The following PARP8 variants were observed in gnomAD, a reference collection of about 807,000 sequenced individuals.
PARP8 encodes poly(ADP-ribose) polymerase family member 8.
A neutral mutation model predicts 124.1 loss-of-function variants in PARP8; 51 were observed. The ratio of observed to expected loss-of-function variants is 0.41; its 90% CI spans 0.33 to 0.52. The LOEUF (loss-of-function observed/expected upper bound fraction) is 0.52. PARP8 is among the 20% of genes least tolerant of loss of function. PARP8 has a pLI of 0.21. For synonymous variants in PARP8, 391 were observed against 361.5 expected (o/e 1.08, Z -0.93); for missense variants, 860 against 1,018.9 (o/e 0.84, Z 2.12).
chr5:50,668,244 C>A, intron 2 of PARP8, 119 bp downstream of exon 2: 1 of 919,530 alleles, frequency 1.1e-6, no homozygotes, highest in Non-Finnish European at 1.8e-6. Context: ...TGTGGCTTTT[C>A]TTTACCTGCT....
intron 14 of PARP8, among the ~76,000 whole-genome samples, chr5:50,807,055 G>A (rs951444220): frequency 6.6e-5 from 10 of 150,980 alleles, no homozygotes; most frequent in African/African-American, 1.9e-4. Flanking sequence ...GTTAGATCTC[G>A]CTTTCCAAAG....
Position 50,740,157 on chromosome 5 carries a change from G to A in PARP8, c.147-9994G>A, listed in dbSNP as rs372062412. ...GAAATACAATGGGAAGAAAACAGGT[G>A]CCTTCTACTCTATGGATTTAGCAGG... is the stretch of plus-strand genomic sequence containing the variant. On this transcript the variant is annotated intron_variant, in intron 2 of 25. Transcript: ENST00000281631. Among the ~76,000 whole-genome samples the A allele has an allele frequency of 2.7e-4, 41 of 152,278 alleles. No homozygotes were observed. In the South Asian group the frequency reaches 8.5e-3, roughly 32 times the overall value.
chr5:50,690,080 CA>C (rs1321950542), intron 2 of PARP8, among the ~76,000 whole-genome samples: 9 of 152,338 alleles, frequency 5.9e-5, no homozygotes, highest in African/African-American at 2.2e-4. Context: ...ACATAGGAAA[CA>C]AACCAGTAGA....
chr5:50,771,120 C>A (rs1761584914), intron 7 of PARP8, among the ~76,000 whole-genome samples: 1 of 150,482 alleles, frequency 6.6e-6, no homozygotes, highest in Non-Finnish European at 1.5e-5. Flanking sequence ...TATATATACA[C>A]ACACACATAT....
At chr5:50,767,687 G>C (rs957649863) in intron 7 of PARP8, among the ~76,000 whole-genome samples, 3 of 152,090 alleles carry the variant, frequency 2.0e-5, no homozygotes, top group Admixed American at 6.6e-5. Context: ...GAAATTTATA[G>C]CTACCTTGGA....
intron 2 of PARP8, among the ~76,000 whole-genome samples, chr5:50,684,021 A>T (rs1751579013): frequency 6.6e-6 from 1 of 152,294 alleles, no homozygotes; most frequent in South Asian, 2.1e-4. Context: ...ACTGTACACA[A>T]TTTCCTATGA....
chr5:50,775,039 T>C (rs1247519542), intron 7 of PARP8, among the ~76,000 whole-genome samples: 2 of 128,152 alleles, frequency 1.6e-5, no homozygotes, highest in South Asian at 5.4e-4. Flanking sequence ...CTAGATGGGG[T>C]GGCAGCTGGG....
At chr5:50,668,454 G>A (rs189383452) in intron 2 of PARP8, 8 of 276,938 alleles carry the variant, frequency 2.9e-5, no homozygotes, top group Admixed American at 2.8e-4. Context: ...TGGATATGAA[G>A]TGAAATGTAT....
intron 14 of PARP8, among the ~76,000 whole-genome samples, chr5:50,811,663 A>C (rs1197322971): frequency 6.6e-6 from 1 of 152,112 alleles, no homozygotes; most frequent in South Asian, 2.1e-4. Flanking sequence ...CTATGTATAC[A>C]TGTGCCATGT....
At chr5:50,803,446 G>A (rs769734689) in intron 14 of PARP8, among the ~76,000 whole-genome samples, 17 of 151,732 alleles carry the variant, frequency 1.1e-4, no homozygotes, top group Non-Finnish European at 2.1e-4. Context: ...TTTCCTTCTG[G>A]AATTTCCATT....
intron 3 of PARP8, 95 bp from the exon 4 acceptor site, chr5:50,759,548 C>T: frequency 7.6e-7 from 1 of 1,310,950 alleles, no homozygotes; most frequent in Non-Finnish European, 1.0e-6. Flanking sequence ...AGAGTTGGAA[C>T]TAAAGTGATG....
At chr5:50,689,266 C>T (rs1438730230) in intron 2 of PARP8, among the ~76,000 whole-genome samples, 1 of 152,140 alleles carries the variant, frequency 6.6e-6, no homozygotes, top group Admixed American at 6.5e-5. Context: ...TCTTGGCCAA[C>T]ATGGAAGTTT....
In PARP8 at chr5:50,739,225, A is replaced by G. The variant is rs1474730493; in HGVS notation, c.147-10926A>G. 6 of 585,106 alleles carry G rather than the reference A, an allele frequency of 1.0e-5. No homozygotes were observed. The Admixed American group carries it at 1.5e-4, about 14-fold the overall frequency. The allele number at this position is 585,106 out of a possible 1,614,324, so 36.2% of individuals were successfully genotyped here. A position where few individuals can be genotyped will look rare whatever the true frequency, so the allele number is the denominator to read the frequency against. On this transcript the variant is annotated intron_variant, in intron 2 of 25. Transcript: ENST00000281631. ...GATCTGTTATCCTGATGGCTTATCC[A>G]GTCATTCAGTCTTCCTCTCCACCTG...
chr5:50,702,786 A>G (rs1242969543), intron 2 of PARP8, among the ~76,000 whole-genome samples: 1 of 152,180 alleles, frequency 6.6e-6, no homozygotes, highest in Non-Finnish European at 1.5e-5. Flanking sequence ...TTAGTGCAAA[A>G]ACAACCATTA....
intron 10 of PARP8, among the ~76,000 whole-genome samples, chr5:50,790,798 A>G (rs1351983612): frequency 6.6e-6 from 1 of 152,146 alleles, no homozygotes; most frequent in Non-Finnish European, 1.5e-5. Context: ...CCGAGTGATT[A>G]ATGTTTTCAA....
intron 4 of PARP8, 125 bp downstream of exon 4, chr5:50,759,857 C>CCATA: frequency 1.8e-6 from 2 of 1,140,336 alleles, no homozygotes; most frequent in Non-Finnish European, 2.3e-6. Context: ...AATCCAGTCT[C>CCATA]CATACAAATT....
At position 50,783,642 on chromosome 5, in the gene PARP8, A is replaced by G. The variant is rs535937392; in HGVS notation, c.671-4881A>G. On this transcript the variant is annotated intron_variant, in intron 9 of 25. Transcript: ENST00000281631. ...TGTTCAGATCCCTGATGCCATAATCAGTGCTGCAAAGAATGCCCTTAAATA... is the reference window on the plus strand; with the variant it reads ...TGTTCAGATCCCTGATGCCATAATCGGTGCTGCAAAGAATGCCCTTAAATA... 2.0e-5 allele frequency among the ~76,000 whole-genome samples: 3 copies of G among 152,294 alleles called. No individual in the cohort carries two copies. In the South Asian group the frequency reaches 6.2e-4, roughly 32 times the overall value.
rs558695858 is a variant in PARP8 at position 50,786,594 on chromosome 5, C to T, written c.671-1929C>T. ...TGTTTCCAAGACTGGTCTTGAACTC[C>T]TGGGCTCAAGCAATTCACCTGCCTG... On this transcript the variant is annotated intron_variant, in intron 9 of 25. Transcript: ENST00000281631. Among the ~76,000 whole-genome samples, 7 of 151,648 alleles carry T rather than the reference C, an allele frequency of 4.6e-5. No homozygotes were observed. The East Asian group carries it at 1.2e-3, about 25-fold the overall frequency.
chr5:50,682,016 T>A (rs911033801), intron 2 of PARP8, among the ~76,000 whole-genome samples: 1 of 152,194 alleles, frequency 6.6e-6, no homozygotes, highest in African/African-American at 2.4e-5. Context: ...TTTTTGTTTG[T>A]TTCGTTTTCT....
Sources: allele counts gnomAD v4.1 joint callset (sites outside exome capture counted in the v4.1 genomes callset), GRCh38; gene constraint gnomAD v4.1.1; transcripts MANE v1.5; gene names NCBI Gene and HGNC (gene_info 2026-07-23, HGNC 2026-07-21).